The following IGSF1 variants were observed in gnomAD, a reference collection of about 807,000 sequenced individuals.
The protein encoded by IGSF1 is immunoglobulin superfamily member 1.
Under a neutral mutation model 95.3 loss-of-function variants are expected in IGSF1, and 40 were observed. The observed-to-expected ratio is 0.42, with a 90% confidence interval of 0.33 to 0.55. IGSF1 has a LOEUF of 0.55. Among genes scored for constraint, IGSF1 ranks in the 20% least tolerant of loss-of-function variants. The pLI is 0.10. For synonymous variants in IGSF1, 372 were observed against 382.9 expected, an observed-to-expected ratio of 0.97 and a Z score of 0.33; for missense variants, 906 against 1,025.4, an observed-to-expected ratio of 0.88 and a Z score of 1.59.
chrX:131,289,378 C>A (rs765731722), upstream of IGSF1: 25 of 359,313 alleles, frequency 7.0e-5, no homozygotes, highest in Non-Finnish European at 1.2e-4. Context: ...ACCTCCTCCC[C>A]TCCCTGCGCC....
At chrX:131,279,406 G>T in intron 9 of IGSF1, 65 bp from the exon 10 acceptor site, 1 of 951,637 alleles carries the variant, frequency 1.1e-6, no homozygotes, top group African/African-American at 1.9e-5. Flanking sequence ...AGGAAAGGGG[G>T]CGGCAATTTA....
rs1457240420 is a variant in IGSF1, at chrX:131,283,110, T to C, written c.822A>G (p.Thr274=). ...AGAAGAAATTTGCCTCATTTTTTAT[T>C]GTCTTCTTGTGGTAAAAGGACTTCT... The part of the protein sequence containing the change: ...DLEKSFYHKK[T]IKNEANFFFQ... The change falls in exon 6 of 20, where the codon ACA becomes ACG. Residue 274 remains threonine, a synonymous_variant. Coordinates refer to ENST00000361420, the MANE Select transcript of IGSF1 (RefSeq NM_001555.5). 3.3e-6 allele frequency: 4 copies of C among 1,210,959 alleles called. No homozygotes were observed. The highest frequency in any genetic ancestry group is 4.5e-6 in the Non-Finnish European group (4 of 894,735).
Position 131,274,581 on chromosome X carries a change from G to A in IGSF1, c.3751+18C>T, listed in dbSNP as rs138128951. On this transcript the variant is annotated intron_variant, in intron 18 of 19. Transcript: ENST00000361420. ...CCAGGTGTGTCACACCAGGACCATG[G>A]AGAGATTATTCTCTTACCTGCTGCC... is the stretch of plus-strand genomic sequence containing the variant. The A allele has an allele frequency of 3.0e-3, 3,659 of 1,200,779 alleles. 9 individuals are homozygous for A. Among genetic ancestry groups the A allele is most frequent in the Non-Finnish European group, 3.6e-3 (3,197 of 889,705 alleles).
At chrX:131,281,453 C>G in intron 8 of IGSF1, 115 bp from the exon 9 acceptor site, 2 of 949,681 alleles carry the variant, frequency 2.1e-6, no homozygotes, top group Non-Finnish European at 2.9e-6. Context: ...GAAGGTGAGG[C>G]AGAAGTGGCC....
At position 131,277,234 on chromosome X, in the gene IGSF1, G is replaced by A; in HGVS notation, c.2321-8C>T. ...AGGGCTTAGGGTACATTTCTAGAAG[G>A]CAAAAAACAAAAACAAAAACAAAAA... On this transcript the variant is annotated splice_polypyrimidine_tract_variant and splice_region_variant and intron_variant, in intron 13 of 19. Transcript: ENST00000361420. 1 of 1,146,391 alleles carries A rather than the reference G, an allele frequency of 8.7e-7. No homozygotes were observed. The highest frequency in any genetic ancestry group is 1.2e-6 in the Non-Finnish European group (1 of 864,918). The allele number at this position is 1,146,391 out of a possible 1,213,427, so 94.5% of individuals were successfully genotyped here.
intron 9 of IGSF1, 149 bp from the exon 10 acceptor site, chrX:131,279,490 CA>C (rs2080525920): frequency 2.0e-6 from 1 of 492,777 alleles, no homozygotes; most frequent in African/African-American, 2.4e-5. Context: ...TATTTGACAT[CA>C]ATGACTTTTC....
rs1165068859 is a variant in IGSF1 at position 131,278,630 on chromosome X, C to T, written c.1872G>A (p.Leu624=). The change falls in exon 12 of 20, where the codon TTG becomes TTA. Residue 624 remains leucine, a synonymous_variant. Coordinates refer to ENST00000361420, the MANE Select transcript of IGSF1 (RefSeq NM_001555.5). The stretch of plus-strand genomic sequence containing the variant: ...CGATCCACCCGGTCCCATCCTTCAG[C>T]AACACAAACTCCTTAGTTGAGCCAG... ...SPSGSTKEFV[L]LKDGTGWIAT... The T allele has an allele frequency of 8.3e-6, 10 of 1,211,689 alleles. No individual in the cohort carries two copies. The highest frequency in any genetic ancestry group is 1.1e-5 in the Non-Finnish European group (10 of 895,243).
intron 4 of IGSF1, 127 bp from the exon 5 acceptor site, chrX:131,285,593 T>C: frequency 1.2e-6 from 1 of 854,283 alleles, no homozygotes; most frequent in Non-Finnish European, 1.6e-6. Flanking sequence ...CTCCTTCTCC[T>C]ATCTCTGCTC....
chrX:131,276,285 G>A (rs1482737730), intron 14 of IGSF1, 37 bp from the exon 15 acceptor site: 1 of 1,107,390 alleles, frequency 9.0e-7, no homozygotes, highest in African/African-American at 1.9e-5. Context: ...GATAAACCCA[G>A]CCCTCACATC....
At chrX:131,274,562 G>A (rs1241103652) in intron 18 of IGSF1, 37 bp downstream of exon 18, 1 of 1,175,153 alleles carries the variant, frequency 8.5e-7, no homozygotes, top group African/African-American at 1.8e-5. Flanking sequence ...GATCCCAGGT[G>A]TGTCACACCA....
At chrX:131,285,724 C>A in intron 4 of IGSF1, 43 bp downstream of exon 4, 1 of 1,147,570 alleles carries the variant, frequency 8.7e-7, no homozygotes, top group South Asian at 2.0e-5. Context: ...AAGTTTGAAT[C>A]TCAGGAGCTG....
chrX:131,274,246 T>C, intron 18 of IGSF1, 40 bp from the exon 19 acceptor site: 1 of 1,205,163 alleles, frequency 8.3e-7, no homozygotes. Context: ...CCATGGAGAT[T>C]AGCGTGTGTA....
chrX:131,284,858 G>A, intron 5 of IGSF1: 1 of 835,421 alleles, frequency 1.2e-6, no homozygotes, highest in South Asian at 7.0e-5. Context: ...GCACATATTA[G>A]GTGCTCAATA....
At chrX:131,274,309 G>A in intron 18 of IGSF1, 103 bp from the exon 19 acceptor site, 3 of 1,039,610 alleles carry the variant, frequency 2.9e-6, no homozygotes, top group Non-Finnish European at 4.0e-6. Flanking sequence ...TAGGGTTCAC[G>A]TGGGAGCCAT....
intron 7 of IGSF1, among the ~76,000 whole-genome samples, 167 bp from the exon 8 acceptor site, chrX:131,282,111 G>C (rs1222977635): frequency 9.0e-6 from 1 of 111,117 alleles, no homozygotes; most frequent in Non-Finnish European, 1.9e-5. Flanking sequence ...CCCACCCCTT[G>C]GTGATCTAAA....
intron 5 of IGSF1, chrX:131,284,631 G>T (rs1211522612): frequency 1.3e-6 from 1 of 748,016 alleles, no homozygotes; most frequent in Non-Finnish European, 1.6e-6. Flanking sequence ...TTAGAGATTG[G>T]TGCTGCCTTA....
chrX:131,277,633 A>C (rs1319612765), intron 13 of IGSF1: 3 of 396,988 alleles, frequency 7.6e-6, no homozygotes, highest in Non-Finnish European at 1.3e-5. Flanking sequence ...GAAAAATTAA[A>C]TCACCCTCCA....
chrX:131,283,113 C>CATTTTTA lies in IGSF1; in HGVS notation c.818_819insTAAAAAT (p.Lys273AsnfsTer8). ...AGAAATTTGCCTCATTTTTTATTGT[C>CATTTTTA]TTCTTGTGGTAAAAGGACTTCTCCA... is the stretch of plus-strand genomic sequence containing the variant. On this transcript the variant is annotated frameshift_variant, in exon 6 of 20. Coordinates refer to ENST00000361420, the MANE Select transcript of IGSF1 (RefSeq NM_001555.5). LOFTEE classifies it high-confidence loss of function. 2 of 1,211,064 alleles carry CATTTTTA rather than the reference C, an allele frequency of 1.7e-6. No individual in the cohort carries two copies. Among genetic ancestry groups the CATTTTTA allele is most frequent in the Non-Finnish European group, 2.2e-6 (2 of 894,926 alleles).
At chrX:131,280,969 G>T in intron 9 of IGSF1, 2 of 309,760 alleles carry the variant, frequency 6.5e-6, no homozygotes. Context: ...CCTCCGGGGG[G>T]GATGTCAGTG....
Sources: gnomAD v4.1 joint callset for allele counts (sites outside exome capture counted in the v4.1 genomes callset) on GRCh38, gnomAD v4.1.1 for gene constraint, MANE v1.5 for transcripts, NCBI Gene and HGNC (gene_info 2026-07-23, HGNC 2026-07-21) for gene names.